Variants in ZNF618 observed in about 807,000 individuals in gnomAD.
ZNF618 encodes neural precursor cell expressed, developmentally down-regulated 10.
In ZNF618, 34 loss-of-function variants were observed where a neutral mutation model predicts 103.0. The observed-to-expected ratio is 0.33, with a 90% CI of 0.25 to 0.44. The LOEUF (loss-of-function observed/expected upper bound fraction) is 0.44. Ranked by LOEUF, ZNF618 falls within the 20% of genes least tolerant of loss-of-function variation. The pLI, the probability that ZNF618 is intolerant of heterozygous loss-of-function variation, is 1.00. For synonymous variants in ZNF618, 551 were observed against 542.2 expected (o/e 1.02, Z -0.23); for missense variants, 1,059 against 1,295.4 (o/e 0.82, Z 2.80).
intron 10 of ZNF618, among the ~76,000 whole-genome samples, chr9:114,022,072 C>T (rs1409690570): frequency 6.6e-6 from 1 of 151,990 alleles, no homozygotes; most frequent in East Asian, 1.9e-4. Context: ...GTGTACAAGC[C>T]TTTGTAAGGA....
intron 10 of ZNF618, among the ~76,000 whole-genome samples, chr9:114,025,168 G>A (rs923518962): frequency 1.3e-5 from 2 of 152,196 alleles, no homozygotes; most frequent in Non-Finnish European, 2.9e-5. Flanking sequence ...CTAAGATGAA[G>A]ATTCACGAGG....
Position 114,032,645 on chromosome 9 carries a change from C to T in ZNF618, c.1085C>T (p.Ala362Val). Residue 362 changes from alanine to valine, a missense_variant and splice_region_variant, in exon 12 of 15, where the codon GCA becomes GTA. Transcript: ENST00000374126. Reference sequence around the variant, plus strand: ...TTTCTCTCTCCTGTCCCCCACCCAGCAGAAAGCGCTTTCAGTCGGAGAGTA... The same window carrying T: ...TTTCTCTCTCCTGTCCCCCACCCAGTAGAAAGCGCTTTCAGTCGGAGAGTA... ...SGSPASKATA[A>V]ESAFSRRVEG... The T allele has an allele frequency of 6.2e-7, 1 of 1,613,960 alleles. No individual in the cohort carries two copies. The highest frequency in any genetic ancestry group is 2.2e-5 in the East Asian group (1 of 44,878).
intron 1 of ZNF618, among the ~76,000 whole-genome samples, chr9:113,950,966 G>C (rs1835509111): frequency 6.6e-6 from 1 of 150,774 alleles, no homozygotes; most frequent in Non-Finnish European, 1.5e-5. Context: ...GAAGAGCAGG[G>C]ACTATGTCTC....
At position 114,036,331 on chromosome 9, in the gene ZNF618, G is replaced by T. The variant is rs1488051309; in HGVS notation, c.1200G>T (p.Gln400His). 1 of 1,583,566 alleles carries T rather than the reference G, an allele frequency of 6.3e-7. No individual in the cohort carries two copies. The highest frequency in any genetic ancestry group is 8.6e-7 in the Non-Finnish European group (1 of 1,164,252). The change falls in exon 13 of 15, where the codon CAG becomes CAT. Residue 400 changes from glutamine to histidine, a missense_variant. This residue lies in a region of ZNF618 where 434 missense variants were observed against 476.0 expected (regional missense o/e 0.91). Transcript: ENST00000374126. ...EPYTCGACGI[Q>H]FQFYNNLLEH... ...ACACCTGCGGCGCCTGTGGGATCCA[G>T]TTCCAGTTCTACAACAACCTGTTGG... is the stretch of plus-strand genomic sequence containing the variant.
At chr9:113,988,717 G>C (rs370576732) in intron 3 of ZNF618, 137 bp downstream of exon 3, 4 of 1,311,038 alleles carry the variant, frequency 3.1e-6, no homozygotes, top group Admixed American at 5.4e-5. Flanking sequence ...TGCATTCAGG[G>C]AGAGATCTCA....
intron 13 of ZNF618, among the ~76,000 whole-genome samples, chr9:114,047,242 C>A (rs1845729134): frequency 6.6e-6 from 1 of 152,206 alleles, no homozygotes; most frequent in Admixed American, 6.5e-5. Flanking sequence ...GAGGACACAT[C>A]CAGGAACTGG....
In ZNF618 at chr9:114,048,949, C is replaced by G. The variant is rs375459435; in HGVS notation, c.1647C>G (p.Ile549Met). Residue 549 changes from isoleucine to methionine, a missense_variant, in exon 15 of 15, where the codon ATC becomes ATG. Ile to Met is a conservative substitution (Grantham distance 10, BLOSUM62 1). Transcript: ENST00000374126. ...TGGGCAGCAATGCCTGCCTAGGCATCGGTGTCACCTGCCACTCCCAGAGTG... is the reference window on the plus strand; with the variant it reads ...TGGGCAGCAATGCCTGCCTAGGCATGGGTGTCACCTGCCACTCCCAGAGTG... ...CALGSNACLGIGVTCHSQSVG... is the reference protein window; with the variant it reads ...CALGSNACLGMGVTCHSQSVG... 6.2e-7 allele frequency: 1 copy of G among 1,608,400 alleles called. No individual in the cohort carries two copies. Among genetic ancestry groups the G allele is most frequent in the Non-Finnish European group, 8.5e-7 (1 of 1,177,658 alleles).
chr9:113,977,292 C>T (rs1838569912), intron 2 of ZNF618, among the ~76,000 whole-genome samples: 3 of 152,188 alleles, frequency 2.0e-5, no homozygotes, highest in African/African-American at 7.2e-5. Context: ...CTTATCCTTT[C>T]ATTCCTAGGA....
At chr9:113,963,259 C>T (rs1837035559) in intron 1 of ZNF618, among the ~76,000 whole-genome samples, 1 of 152,148 alleles carries the variant, frequency 6.6e-6, no homozygotes, top group South Asian at 2.1e-4. Context: ...CTGCCGAGGT[C>T]ACATATCTTC....
At chr9:114,048,061 C>G in intron 14 of ZNF618, 67 bp downstream of exon 14, 2 of 1,312,608 alleles carry the variant, frequency 1.5e-6, no homozygotes, top group South Asian at 2.6e-5. Context: ...TCTCTGCCCC[C>G]CATTCCCACC....
chr9:113,922,787 C>T (rs572295110), intron 1 of ZNF618, among the ~76,000 whole-genome samples: 142 of 152,218 alleles, frequency 9.3e-4, no homozygotes, highest in African/African-American at 3.2e-3. Context: ...TATTCTGGGT[C>T]TTTTGCCTTT....
chr9:113,945,501 A>G (rs557354657), intron 1 of ZNF618, among the ~76,000 whole-genome samples: 5 of 152,368 alleles, frequency 3.3e-5, no homozygotes, highest in South Asian at 2.1e-4. Context: ...CGTTTTGTCC[A>G]TGGCAGCCTG....
chr9:114,028,645 AC>A, intron 10 of ZNF618, 87 bp from the exon 11 acceptor site: 2 of 1,474,878 alleles, frequency 1.4e-6, no homozygotes, highest in Non-Finnish European at 1.8e-6. Flanking sequence ...GACAGTCCCA[AC>A]CCTGGAATGT....
intron 1 of ZNF618, among the ~76,000 whole-genome samples, chr9:113,878,956 C>T (rs956598598): frequency 6.6e-6 from 1 of 151,314 alleles, no homozygotes; most frequent in South Asian, 2.1e-4. Context: ...TTTTTAGTAA[C>T]GAAATCCTTC....
chr9:113,959,431 A>G (rs1357680664), intron 1 of ZNF618, among the ~76,000 whole-genome samples: 1 of 152,256 alleles, frequency 6.6e-6, no homozygotes, highest in Non-Finnish European at 1.5e-5. Flanking sequence ...TTAATCCACC[A>G]GAAACTGTTA....
rs911535290 is a variant in ZNF618, at chr9:114,049,327, G to A, written c.2025G>A (p.Thr675=). 1.2e-5 allele frequency: 19 copies of A among 1,611,336 alleles called. No individual in the cohort carries two copies. Among genetic ancestry groups the A allele is most frequent in the Middle Eastern group, 1.6e-4 (1 of 6,084 alleles). The change falls in exon 15 of 15, where the codon ACG becomes ACA. Residue 675 remains threonine (T), a synonymous_variant. Coordinates refer to ENST00000374126, the MANE Select transcript of ZNF618 (RefSeq NM_001318042.2). ...TGTGCGAGGACCTGGCGGGCTCCAC[G>A]GGCCTGGCCAAGGAGACCTTCGGGT... The part of the protein sequence containing the change: ...LNVCEDLAGS[T]GLAKETFGSL...
intron 1 of ZNF618, among the ~76,000 whole-genome samples, chr9:113,929,302 C>T (rs960959584): frequency 1.3e-5 from 2 of 152,358 alleles, no homozygotes; most frequent in East Asian, 3.9e-4. Context: ...GCCACTGCAG[C>T]TCCTGGTAAG....
intron 1 of ZNF618, among the ~76,000 whole-genome samples, chr9:113,884,723 C>T (rs958161191): frequency 6.6e-6 from 1 of 151,982 alleles, no homozygotes; most frequent in East Asian, 1.9e-4. Context: ...CACACACGCA[C>T]CCCATGGGAC....
At chr9:113,935,560 G>C (rs1365627355) in intron 1 of ZNF618, among the ~76,000 whole-genome samples, 2 of 152,202 alleles carry the variant, frequency 1.3e-5, no homozygotes, top group Non-Finnish European at 2.9e-5. Context: ...GCACTGCCCA[G>C]GGCTGGAATT....
Sources: gnomAD v4.1 joint callset for allele counts (sites outside exome capture counted in the v4.1 genomes callset) on GRCh38, gnomAD v4.1.1 for gene constraint, gnomAD v4.1.1 regional missense constraint, MANE v1.5 for transcripts, NCBI Gene and HGNC (gene_info 2026-07-23, HGNC 2026-07-21) for gene names.